Variants in ANK2 observed in about 807,000 individuals in gnomAD.
ANK2 encodes the protein ankyrin-2.
ANK2 carries 83 observed loss-of-function variants against 360.5 expected under a neutral mutation model. The ratio of observed to expected loss-of-function variants is 0.23; its 90% CI spans 0.19 to 0.28. The LOEUF is 0.28. ANK2 is among the 10% of genes least tolerant of loss of function. The probability of loss-of-function intolerance (pLI) is 1.00; values close to 1 mark genes in which losing one functional copy is unlikely to be tolerated. For missense variants in ANK2, 4,201 were observed against 4,795.7 expected (o/e 0.88, Z 3.66); for synonymous variants, 1,740 against 1,759.5 (o/e 0.99, Z 0.28).
chr4:112,882,117 T>G, intron 1 of ANK2: 1 of 289,540 alleles, frequency 3.5e-6, no homozygotes, highest in Non-Finnish European at 6.6e-6. Flanking sequence ...TCCGCAGCTG[T>G]TCCGGCTCTT....
chr4:113,258,377 T>A lies in ANK2; in HGVS notation c.1352T>A (p.Leu451Gln). Residue 451 changes from leucine to glutamine, a missense_variant, in exon 13 of 46, where the codon CTG becomes CAG. Leu to Gln is a moderately radical substitution (Grantham distance 113, BLOSUM62 -2). Around this residue, in one of 4 missense-constraint regions of ANK2, gnomAD observed 1,268 missense variants for 1,650.8 expected, o/e 0.77. Coordinates refer to ENST00000357077, the MANE Select transcript of ANK2 (RefSeq NM_001148.6). ...CACTTGAACATTGTCCTCCTTCTGCTGCAGAACGGAGCCTCTCCAGATGTC... is the reference window on the plus strand; with the variant it reads ...CACTTGAACATTGTCCTCCTTCTGCAGCAGAACGGAGCCTCTCCAGATGTC... ...MGHLNIVLLL[L>Q]QNGASPDVTN... 1 of 1,614,190 alleles carries A rather than the reference T, an allele frequency of 6.2e-7. No homozygotes were observed. The highest frequency in any genetic ancestry group is 8.5e-7 in the Non-Finnish European group (1 of 1,180,020).
intron 1 of ANK2, among the ~76,000 whole-genome samples, chr4:112,844,901 G>A (rs1279164692): frequency 6.6e-6 from 1 of 152,164 alleles, no homozygotes; most frequent in Non-Finnish European, 1.5e-5. Flanking sequence ...CCTCTCATGG[G>A]ATATCAGAAG....
chr4:112,996,547 A>G (rs1385628986), intron 2 of ANK2, among the ~76,000 whole-genome samples: 2 of 152,078 alleles, frequency 1.3e-5, no homozygotes, highest in African/African-American at 2.4e-5. Flanking sequence ...ATGTCATTAT[A>G]TTTCATTTAT....
upstream of ANK2, among the ~76,000 whole-genome samples, chr4:113,046,314 G>A (rs1249415804): frequency 1.3e-5 from 2 of 152,062 alleles, no homozygotes; most frequent in Non-Finnish European, 2.9e-5. Context: ...TAGCATTTGG[G>A]CAATACTTTG....
At chr4:113,211,977 G>A (rs1327394919) in intron 4 of ANK2, among the ~76,000 whole-genome samples, 1 of 151,894 alleles carries the variant, frequency 6.6e-6, no homozygotes, top group African/African-American at 2.4e-5. Context: ...CATCTTTACT[G>A]CTCCTTAATG....
chr4:112,821,560 G>GCC (rs1316196994), intron 1 of ANK2, among the ~76,000 whole-genome samples: 1 of 141,568 alleles, frequency 7.1e-6, no homozygotes, highest in African/African-American at 2.7e-5. Flanking sequence ...CTGGAGTGCA[G>GCC]TGGTGTGATC....
intron 2 of ANK2, among the ~76,000 whole-genome samples, chr4:113,183,524 C>T (rs1383870066): frequency 2.0e-5 from 3 of 152,098 alleles, no homozygotes; most frequent in East Asian, 1.9e-4. Context: ...AATAAAATAA[C>T]GATAAAGACT....
intron 1 of ANK2, among the ~76,000 whole-genome samples, chr4:113,088,389 C>T (rs1330712553): frequency 6.6e-6 from 1 of 152,116 alleles, no homozygotes; most frequent in East Asian, 1.9e-4. Flanking sequence ...ATATACATGT[C>T]TATGCAAACA....
the ANK2 span, among the ~76,000 whole-genome samples, chr4:112,763,459 C>T: frequency 1.3e-5 from 2 of 151,838 alleles, no homozygotes; most frequent in Non-Finnish European, 2.9e-5. Flanking sequence ...GTCTCGATCT[C>T]CTGACCTCGT....
intron 40 of ANK2, among the ~76,000 whole-genome samples, chr4:113,364,181 A>G (rs1490285196): frequency 2.0e-5 from 3 of 152,130 alleles, no homozygotes; most frequent in Non-Finnish European, 4.4e-5. Flanking sequence ...GTTCCTCAAA[A>G]ATTGAATAAT....
chr4:113,013,622 G>A (rs2055538204), intron 2 of ANK2, among the ~76,000 whole-genome samples: 1 of 152,116 alleles, frequency 6.6e-6, no homozygotes, highest in African/African-American at 2.4e-5. Context: ...TAAATAAAGA[G>A]ACATAAAACA....
upstream of ANK2, among the ~76,000 whole-genome samples, chr4:112,813,551 A>T (rs6821741): frequency 0.45 from 64,066 of 142,682 alleles, 18,223 homozygotes; most frequent in East Asian, 0.89. Flanking sequence ...TTATTTATTT[A>T]TTGAGACAGG....
intron 1 of ANK2, among the ~76,000 whole-genome samples, chr4:112,851,905 A>G (rs188145224): frequency 3.9e-5 from 6 of 152,318 alleles, no homozygotes; most frequent in Non-Finnish European, 8.8e-5. Flanking sequence ...TACAGGCCTG[A>G]GCCACCGCAC....
chr4:112,870,627 G>A (rs1036556211), intron 1 of ANK2, among the ~76,000 whole-genome samples: 8 of 152,206 alleles, frequency 5.3e-5, no homozygotes, highest in Admixed American at 3.9e-4. Context: ...AGACACATGA[G>A]TTTATTTCTG....
intron 7 of ANK2, among the ~76,000 whole-genome samples, chr4:113,239,245 T>C (rs970036830): frequency 2.0e-5 from 3 of 152,140 alleles, no homozygotes; most frequent in African/African-American, 7.2e-5. Flanking sequence ...GTCTTGCTTC[T>C]CTCTAAGTAA....
intron 26 of ANK2, among the ~76,000 whole-genome samples, chr4:113,324,199 T>C (rs1350109556): frequency 6.6e-6 from 1 of 152,018 alleles, no homozygotes; most frequent in Non-Finnish European, 1.5e-5. Flanking sequence ...TAGCAGAGAG[T>C]TTTTTGTTGT....
chr4:112,820,330 A>T (rs1239869162), intron 1 of ANK2, among the ~76,000 whole-genome samples: 1 of 152,228 alleles, frequency 6.6e-6, no homozygotes, highest in Non-Finnish European at 1.5e-5. Flanking sequence ...TAGGACTGAT[A>T]GTTCAGCCAT....
At chr4:112,755,942 T>C in the ANK2 span, 1 of 151,398 alleles carries the variant, frequency 6.6e-6, no homozygotes, top group Non-Finnish European at 1.5e-5. Flanking sequence ...ATTATTATTA[T>C]TAAGACACAG....
At chr4:113,282,230 C>T (rs1587026850) in intron 17 of ANK2, among the ~76,000 whole-genome samples, 1 of 152,154 alleles carries the variant, frequency 6.6e-6, no homozygotes, top group East Asian at 1.9e-4. Context: ...CAGCTCAGAA[C>T]AGGTCATCCT....
Sources: allele counts gnomAD v4.1 joint callset (sites outside exome capture counted in the v4.1 genomes callset), GRCh38; gene constraint gnomAD v4.1.1; regional missense constraint gnomAD v4.1.1; transcripts MANE v1.5; gene names NCBI Gene and HGNC (gene_info 2026-07-23, HGNC 2026-07-21).